MDGA2: variants seen among roughly 807,000 people sequenced by gnomAD.
MDGA2 encodes the protein MAM domain containing glycosylphosphatidylinositol anchor 2, also known as MAM domain-containing glycosylphosphatidylinositol anchor protein 2.
MDGA2 carries 40 observed loss-of-function variants against 117.8 expected under a neutral mutation model. That is an observed-to-expected ratio of 0.34 (90% confidence interval 0.26 to 0.44). MDGA2 has a LOEUF of 0.44. Among genes scored for constraint, MDGA2 ranks in the 20% least tolerant of loss-of-function variants. MDGA2 has a pLI of 1.00. For synonymous variants in MDGA2, 452 were observed against 439.0 expected (o/e 1.03, Z -0.37); for missense variants, 1,123 against 1,250.6 (o/e 0.90, Z 1.54).
intron 6 of MDGA2, among the ~76,000 whole-genome samples, chr14:47,095,359 C>T (rs985174756): frequency 2.2e-4 from 33 of 151,788 alleles, no homozygotes; most frequent in African/African-American, 6.0e-4. Context: ...AGAACAATAT[C>T]GTATAGAAAA....
At position 47,342,976 on chromosome 14, in the gene MDGA2, C is replaced by T. The variant is rs747420220; in HGVS notation, c.281-41426G>A. The T allele has an allele frequency of 1.9e-4, 169 of 869,704 alleles. 1 individual carries two copies. Among genetic ancestry groups the T allele is most frequent in the Non-Finnish European group, 7.4e-5 (45 of 605,664 alleles). 53.9% of individuals were successfully genotyped at this position (869,704 alleles called of 1,614,324 possible). ...TCACAGTAGTAGGAGGAAGGAAAGG[C>T]AGCTTTGCCTGGCAGAATGCTACCT... On this transcript the variant is annotated intron_variant, in intron 1 of 16. Transcript: ENST00000399232.
chr14:46,972,891 C>G (rs1886322400), intron 8 of MDGA2, among the ~76,000 whole-genome samples: 1 of 151,964 alleles, frequency 6.6e-6, no homozygotes, highest in Admixed American at 6.6e-5. Context: ...ATGATTGTTA[C>G]TGAAAACATA....
At chr14:47,124,703 G>A (rs557410496) in intron 5 of MDGA2, among the ~76,000 whole-genome samples, 1 of 152,134 alleles carries the variant, frequency 6.6e-6, no homozygotes, top group Admixed American at 6.6e-5. Context: ...TCCTAAGGAT[G>A]AGACTCTAAT....
chr14:47,142,171 C>T (rs1330537081), intron 4 of MDGA2, among the ~76,000 whole-genome samples: 2 of 152,098 alleles, frequency 1.3e-5, no homozygotes, highest in African/African-American at 2.4e-5. Flanking sequence ...TAGCCGGGCA[C>T]GGTGGCTCAC....
intron 13 of MDGA2, 187 bp downstream of exon 13, chr14:46,873,858 A>T: frequency 1.8e-6 from 1 of 571,204 alleles, no homozygotes; most frequent in Non-Finnish European, 2.8e-6. Context: ...TACTATATGT[A>T]TCAGTGAAGT....
chr14:46,928,317 T>C (rs375887726), intron 9 of MDGA2, among the ~76,000 whole-genome samples: 3 of 152,170 alleles, frequency 2.0e-5, no homozygotes, highest in Non-Finnish European at 4.4e-5. Context: ...AGCATTTTTA[T>C]GATGAACATA....
chr14:47,135,079 G>C (rs1178169200), intron 4 of MDGA2, among the ~76,000 whole-genome samples: 2 of 151,926 alleles, frequency 1.3e-5, no homozygotes, highest in Non-Finnish European at 2.9e-5. Context: ...ATAGTACCTA[G>C]TAATTTCATT....
chr14:47,095,715 A>G (rs958644463), intron 6 of MDGA2, among the ~76,000 whole-genome samples: 3 of 152,008 alleles, frequency 2.0e-5, no homozygotes, highest in Admixed American at 2.0e-4. Flanking sequence ...TTTGATTTAC[A>G]CTGTACCTTG....
At chr14:47,311,447 T>C (rs1334244956) in intron 1 of MDGA2, among the ~76,000 whole-genome samples, 6 of 152,246 alleles carry the variant, frequency 3.9e-5, no homozygotes, top group African/African-American at 1.4e-4. Context: ...GAGAAATCAC[T>C]GCCACTGCCT....
chr14:47,526,027 T>C (rs1356803693), intron 1 of MDGA2, among the ~76,000 whole-genome samples: 1 of 152,182 alleles, frequency 6.6e-6, no homozygotes, highest in Non-Finnish European at 1.5e-5. Context: ...TTCAGTTCAC[T>C]AACCCTCTCC....
chr14:47,054,681 C>G (rs1317981928), intron 7 of MDGA2, among the ~76,000 whole-genome samples: 2 of 151,582 alleles, frequency 1.3e-5, no homozygotes, highest in Non-Finnish European at 2.9e-5. Context: ...CAGAACAGAG[C>G]CCTCAGAAAT....
At chr14:47,012,827 C>G (rs952529099) in intron 8 of MDGA2, among the ~76,000 whole-genome samples, 1 of 152,026 alleles carries the variant, frequency 6.6e-6, no homozygotes, top group African/African-American at 2.4e-5. Context: ...GAAGAGCAAG[C>G]CACGAATTTT....
chr14:47,313,566 G>A (rs1355602788), intron 1 of MDGA2, among the ~76,000 whole-genome samples: 1 of 151,936 alleles, frequency 6.6e-6, no homozygotes, highest in African/African-American at 2.4e-5. Flanking sequence ...CCATATACTG[G>A]GATTATAGGC....
rs140887264 is a variant in MDGA2, at chr14:47,600,214, G to A, written c.280+74303C>T. 4.9e-4 allele frequency among the ~76,000 whole-genome samples: 74 copies of A among 151,968 alleles called. 1 individual carries two copies. The East Asian group carries it at 0.013, about 27-fold the overall frequency. The stretch of plus-strand genomic sequence containing the variant: ...AGTTTGAGACTAGCCTCGCCAACAT[G>A]GTGAAACCCTGTCTGCACTAAAAAT... On this transcript the variant is annotated intron_variant, in intron 1 of 16. Transcript: ENST00000399232.
At chr14:47,138,476 T>C (rs1001417360) in intron 4 of MDGA2, among the ~76,000 whole-genome samples, 9 of 152,226 alleles carry the variant, frequency 5.9e-5, no homozygotes, top group African/African-American at 1.9e-4. Context: ...TTTCAATTTG[T>C]AAGATTTAAG....
intron 2 of MDGA2, among the ~76,000 whole-genome samples, chr14:47,242,137 T>C (rs2139608076): frequency 6.6e-6 from 1 of 152,076 alleles, no homozygotes; most frequent in African/African-American, 2.4e-5. Context: ...AGAATAATTG[T>C]TCATACAGAT....
chr14:47,529,231 C>T (rs879460759), intron 1 of MDGA2, among the ~76,000 whole-genome samples: 12 of 152,024 alleles, frequency 7.9e-5, no homozygotes, highest in South Asian at 4.1e-4. Context: ...ATAACTTTAG[C>T]GAGTTTATTT....
chr14:47,618,581 G>A (rs141741854), intron 1 of MDGA2, among the ~76,000 whole-genome samples: 2 of 152,126 alleles, frequency 1.3e-5, no homozygotes, highest in East Asian at 1.9e-4. Context: ...ACTGTATGTC[G>A]CTCATTTTTG....
intron 3 of MDGA2, chr14:47,200,836 C>CCA: frequency 1.2e-6 from 1 of 814,442 alleles, no homozygotes. Context: ...GAGCCACCAT[C>CCA]CATTTTTTCT....
Sources: allele counts gnomAD v4.1 joint callset (sites outside exome capture counted in the v4.1 genomes callset), GRCh38; gene constraint gnomAD v4.1.1; transcripts MANE v1.5; gene names NCBI Gene and HGNC (gene_info 2026-07-23, HGNC 2026-07-21).